NOP14: variants seen among roughly 807,000 people sequenced by gnomAD.
The protein encoded by NOP14 is NOP14 nucleolar protein, also known as nucleolar protein 14.
In NOP14, 57 loss-of-function variants were observed where a neutral mutation model predicts 101.6. The ratio of observed to expected loss-of-function variants is 0.56; its 90% CI spans 0.45 to 0.70. The LOEUF is 0.70. NOP14 is among the 30% of genes least tolerant of loss of function. NOP14 has a pLI of 0.00. For missense variants in NOP14, 1,134 were observed against 1,075.5 expected, an observed-to-expected ratio of 1.05 and a Z score of -0.76; for synonymous variants, 428 against 424.0, an observed-to-expected ratio of 1.01 and a Z score of -0.12.
At position 2,961,206 on chromosome 4, in the gene NOP14, A is replaced by ATATAGTTAG. The variant is rs368760007; in HGVS notation, c.195+1918_195+1919insCTAACTATA. 3.4e-4 allele frequency: 4 copies of ATATAGTTAG among 11,610 alleles called. 1 individual carries two copies. The highest frequency in any genetic ancestry group is 1.3e-3 in the African/African-American group (3 of 2,262). 0.7% of individuals were successfully genotyped at this position (11,610 alleles called of 1,614,324 possible). ...ATATTAATATGCTAATATTATAATA[A>ATATAGTTAG]TATATTAATATATTAATATTGTTAG... On this transcript the variant is annotated intron_variant, in intron 1 of 17. Transcript: ENST00000416614.
At chr4:2,961,099 T>C (rs1715817097) in intron 1 of NOP14, among the ~76,000 whole-genome samples, 1 of 38,538 alleles carries the variant, frequency 2.6e-5, no homozygotes, top group South Asian at 4.1e-4. Context: ...AATAATATAT[T>C]AATATTTTAA....
At chr4:2,939,108 G>T in intron 17 of NOP14, 80 bp downstream of exon 17, 1 of 1,579,070 alleles carries the variant, frequency 6.3e-7, no homozygotes, top group Non-Finnish European at 8.7e-7. Context: ...GATGCCAGGT[G>T]CCCGGTGCTC....
intron 1 of NOP14, 44 bp downstream of exon 1, chr4:2,963,081 G>A: frequency 6.8e-7 from 1 of 1,462,480 alleles, no homozygotes; most frequent in Non-Finnish European, 9.0e-7. Flanking sequence ...AGCAGCGTGG[G>A]GTCCAGATCC....
At chr4:2,943,072 G>A (rs868271155) in intron 13 of NOP14, among the ~76,000 whole-genome samples, 1 of 152,230 alleles carries the variant, frequency 6.6e-6, no homozygotes, top group African/African-American at 2.4e-5. Context: ...ACGTGGGACT[G>A]CAGCTATCTA....
At chr4:2,946,658 C>G in intron 10 of NOP14, 111 bp from the exon 11 acceptor site, 2 of 895,736 alleles carry the variant, frequency 2.2e-6, no homozygotes, top group Non-Finnish European at 3.5e-6. Flanking sequence ...CAAGTAAGAA[C>G]TGGATGAATC....
At chr4:2,950,410 G>A (rs1043499463) in intron 7 of NOP14, 197 bp from the exon 8 acceptor site, 19 of 613,088 alleles carry the variant, frequency 3.1e-5, no homozygotes, top group Non-Finnish European at 4.6e-5. Flanking sequence ...AGCCGCAGGA[G>A]CTACAGGCTG....
chr4:2,960,308 G>A (rs927364055), intron 1 of NOP14, among the ~76,000 whole-genome samples: 9 of 151,978 alleles, frequency 5.9e-5, no homozygotes, highest in Non-Finnish European at 1.2e-4. Flanking sequence ...TCCCTGCAGA[G>A]GGAGGGAGTG....
chr4:2,960,823 T>TAATATATTAATATTATA (rs1560310984), intron 1 of NOP14, among the ~76,000 whole-genome samples: 1 of 64,666 alleles, frequency 1.5e-5, no homozygotes, highest in African/African-American at 8.7e-5. Flanking sequence ...ATAATCACAT[T>TAATATATTAATATTATA]ATCAATATAT....
intron 1 of NOP14, among the ~76,000 whole-genome samples, chr4:2,962,210 G>A (rs542816080): frequency 1.3e-3 from 191 of 152,344 alleles, no homozygotes; most frequent in Admixed American, 3.2e-3. Context: ...CTTTTGAAAT[G>A]AGAAAACTGA....
At position 2,946,468 on chromosome 4, in the gene NOP14, C is replaced by T; in HGVS notation, c.1579G>A (p.Glu527Lys). ...IKFVLRDAMH[E>K]MEEMIETKGR... Reference sequence around the variant, plus strand: ...TTGGTCTCAATCATTTCTTCCATCTCATGCATCGCATCTCGGAGAACAAAT... The same window carrying T: ...TTGGTCTCAATCATTTCTTCCATCTTATGCATCGCATCTCGGAGAACAAAT... The change falls in exon 11 of 18, where the codon GAG becomes AAG. Residue 527 changes from glutamate to lysine, a missense_variant. Glu to Lys is a moderately conservative substitution (Grantham distance 56). Transcript: ENST00000416614. The T allele has an allele frequency of 6.2e-7, 1 of 1,614,264 alleles. No individual in the cohort carries two copies.
At position 2,948,428 on chromosome 4, in the gene NOP14, T is replaced by A; in HGVS notation, c.1283-20A>T. 1 of 1,585,010 alleles carries A rather than the reference T, an allele frequency of 6.3e-7. No homozygotes were observed. The highest frequency in any genetic ancestry group is 1.1e-5 in the South Asian group (1 of 87,450). Reference sequence around the variant, plus strand: ...CAGGGGCTATCAAAAACACAAAACATACTGCACATTTAACATTTATATATA... The same window carrying A: ...CAGGGGCTATCAAAAACACAAAACAAACTGCACATTTAACATTTATATATA... On this transcript the variant is annotated intron_variant, in intron 8 of 17. Transcript: ENST00000416614.
chr4:2,957,459 G>T, intron 2 of NOP14, 147 bp downstream of exon 2: 1 of 908,506 alleles, frequency 1.1e-6, no homozygotes, highest in Non-Finnish European at 1.7e-6. Context: ...CTTTGGCCTA[G>T]CCAGATAAGG....
Position 2,942,208 on chromosome 4 carries a change from C to G in NOP14, c.2035G>C (p.Glu679Gln). The change falls in exon 14 of 18, where the codon GAG becomes CAG. Residue 679 changes from glutamate (E) to glutamine (Q), a missense_variant. Physicochemically the swap from Glu to Gln is conservative, Grantham distance 29 (BLOSUM62 2). Transcript: ENST00000416614. ...CTCACATACCGGATGTGATTGGCCT[C>G]TGTCGAAGTTGGGGCCCTCAGTCTA... ...ASRLRAPTST[E>Q]ANHIRLSCLA... The G allele has an allele frequency of 6.2e-7, 1 of 1,614,112 alleles. No individual in the cohort carries two copies. The highest frequency in any genetic ancestry group is 8.5e-7 in the Non-Finnish European group (1 of 1,179,976).
In NOP14 at chr4:2,957,686, T is replaced by C. The variant is rs756591781; in HGVS notation, c.250A>G (p.Arg84Gly). The C allele has an allele frequency of 9.9e-6, 16 of 1,614,142 alleles. No individual in the cohort carries two copies. Among genetic ancestry groups the C allele is most frequent in the Non-Finnish European group, 8.5e-7 (1 of 1,179,948 alleles). Residue 84 changes from arginine to glycine, a missense_variant, in exon 2 of 18, where the codon AGA becomes GGA. Coordinates refer to ENST00000416614, the MANE Select transcript of NOP14 (RefSeq NM_001291978.2). Reference sequence around the variant, plus strand: ...TTGTATTCTCCGAAGCGTTTATCTCTGAATACATTGGATTTATCCCTTTCT... The same window carrying C: ...TTGTATTCTCCGAAGCGTTTATCTCCGAATACATTGGATTTATCCCTTTCT... Reference protein sequence around the residue: ...YKERDKSNVFRDKRFGEYNSN... With the variant: ...YKERDKSNVFGDKRFGEYNSN...
chr4:2,963,288 C>T lies in NOP14; in HGVS notation c.32G>A (p.Arg11Lys), dbSNP rs141744890. The part of the protein sequence containing the change: MAKAKKVGAR[R>K]KASGAPAGAR... Reference sequence around the variant, plus strand: ...TCCCGCCGGCGCCCCGGAGGCCTTCCTTCGCGCCCCGACCTTCTTCGCCTT... The same window carrying T: ...TCCCGCCGGCGCCCCGGAGGCCTTCTTTCGCGCCCCGACCTTCTTCGCCTT... Residue 11 changes from arginine to lysine, a missense_variant, in exon 1 of 18, where the codon AGG becomes AAG. By Grantham distance (26) the Arg-to-Lys change is conservative. Coordinates refer to ENST00000416614, the MANE Select transcript of NOP14 (RefSeq NM_001291978.2). The T allele has an allele frequency of 1.3e-6, 2 of 1,596,022 alleles. No homozygotes were observed. The highest frequency in any genetic ancestry group is 1.7e-6 in the Non-Finnish European group (2 of 1,173,632).
intron 10 of NOP14, chr4:2,947,190 C>T (rs756834077): frequency 3.0e-5 from 11 of 366,366 alleles, no homozygotes; most frequent in Admixed American, 4.5e-5. Flanking sequence ...GGGTGTCTAC[C>T]GTGCTTTCCA....
chr4:2,956,835 C>T (rs1013983410), intron 2 of NOP14, 24 bp from the exon 3 acceptor site: 1 of 1,558,452 alleles, frequency 6.4e-7, no homozygotes, highest in Non-Finnish European at 8.6e-7. Flanking sequence ...AAAAAAGTTT[C>T]CTAAAATTAC....
intron 1 of NOP14, among the ~76,000 whole-genome samples, chr4:2,959,600 A>G (rs913681704): frequency 6.6e-6 from 1 of 151,844 alleles, no homozygotes; most frequent in African/African-American, 2.4e-5. Context: ...CTCAAAAACA[A>G]AAAAAAACAA....
chr4:2,963,006 G>A (rs1391369731), intron 1 of NOP14, 119 bp downstream of exon 1: 5 of 992,174 alleles, frequency 5.0e-6, no homozygotes, highest in Non-Finnish European at 5.6e-6. Context: ...AGTGCCGTGT[G>A]CCTGTCACGG....
Sources: allele counts gnomAD v4.1 joint callset (sites outside exome capture counted in the v4.1 genomes callset), GRCh38; gene constraint gnomAD v4.1.1; transcripts MANE v1.5; gene names NCBI Gene and HGNC (gene_info 2026-07-23, HGNC 2026-07-21).